Variants in ADCY1 observed in about 807,000 individuals in gnomAD.
ADCY1 encodes adenylate cyclase 1.
A neutral mutation model predicts 105.4 loss-of-function variants in ADCY1; 28 were observed. The ratio of observed to expected loss-of-function variants is 0.27; its 90% CI spans 0.20 to 0.36. The LOEUF is 0.36. ADCY1 is among the 10% of genes least tolerant of loss of function. The probability of loss-of-function intolerance (pLI) is 1.00; values close to 1 mark genes in which losing one functional copy is unlikely to be tolerated. For missense variants in ADCY1, 977 were observed against 1,434.2 expected (o/e 0.68, Z 5.15); for synonymous variants, 655 against 623.8 (o/e 1.05, Z -0.75).
At chr7:45,664,671 T>G in intron 8 of ADCY1, 1 of 357,416 alleles carries the variant, frequency 2.8e-6, no homozygotes, top group Non-Finnish European at 4.6e-6. Flanking sequence ...GACTGGATGG[T>G]ACACAGGCAG....
intron 4 of ADCY1, among the ~76,000 whole-genome samples, chr7:45,642,465 G>C (rs1300625780): frequency 1.3e-5 from 2 of 152,158 alleles, no homozygotes; most frequent in East Asian, 3.8e-4. Context: ...TTCCCTTTTA[G>C]TCTTTAACAG....
intron 4 of ADCY1, among the ~76,000 whole-genome samples, chr7:45,643,097 A>G (rs982883902): frequency 1.5e-5 from 2 of 136,366 alleles, no homozygotes; most frequent in South Asian, 4.8e-4. Context: ...TGTTCAGGTT[A>G]CTTTCTGTTT....
intron 8 of ADCY1, among the ~76,000 whole-genome samples, chr7:45,674,821 GCT>G (rs2116173786): frequency 6.6e-6 from 1 of 152,006 alleles, no homozygotes; most frequent in Non-Finnish European, 1.5e-5. Flanking sequence ...AAATTTTTTT[GCT>G]CTGATATCTA....
chr7:45,657,325 C>T (rs144493208), intron 5 of ADCY1, among the ~76,000 whole-genome samples: 6 of 152,354 alleles, frequency 3.9e-5, no homozygotes, highest in East Asian at 1.9e-4. Context: ...TGGGTCCCTG[C>T]GAGGGAGCAG....
At chr7:45,697,876 C>A (rs1476400524) in intron 14 of ADCY1, among the ~76,000 whole-genome samples, 2 of 152,162 alleles carry the variant, frequency 1.3e-5, no homozygotes, top group African/African-American at 4.8e-5. Context: ...ACAGAGCCAG[C>A]CTCTGCATTC....
At chr7:45,624,499 T>G (rs932344706) in intron 4 of ADCY1, among the ~76,000 whole-genome samples, 2 of 152,070 alleles carry the variant, frequency 1.3e-5, no homozygotes, top group Non-Finnish European at 2.9e-5. Flanking sequence ...ACTTTTCCAG[T>G]AAATAGTGGA....
intron 5 of ADCY1, 62 bp from the exon 6 acceptor site, chr7:45,657,665 A>G (rs975072077): frequency 1.9e-6 from 3 of 1,543,914 alleles, no homozygotes; most frequent in Non-Finnish European, 2.6e-6. Context: ...GTGCAGACCA[A>G]GGTGGCCCCC....
chr7:45,674,994 T>C (rs1335900503), intron 8 of ADCY1, among the ~76,000 whole-genome samples: 3 of 152,222 alleles, frequency 2.0e-5, no homozygotes, highest in Admixed American at 2.0e-4. Flanking sequence ...AAATCATTTA[T>C]TACAGCCTCT....
chr7:45,670,988 G>A (rs1168922866), intron 8 of ADCY1, among the ~76,000 whole-genome samples: 7 of 152,212 alleles, frequency 4.6e-5, no homozygotes, highest in East Asian at 1.9e-4. Flanking sequence ...ACCAGTGACC[G>A]GCAGGGAACT....
At chr7:45,659,975 T>G in intron 6 of ADCY1, 67 bp from the exon 7 acceptor site, 2 of 1,593,364 alleles carry the variant, frequency 1.3e-6, no homozygotes, top group Non-Finnish European at 1.7e-6. Flanking sequence ...TCCCCTCTGG[T>G]AAGGCCCTGC....
At chr7:45,633,983 G>A (rs1794332047) in intron 4 of ADCY1, among the ~76,000 whole-genome samples, 1 of 151,992 alleles carries the variant, frequency 6.6e-6, no homozygotes, top group South Asian at 2.1e-4. Context: ...ATGTTTTTGG[G>A]GGTAGTCAAA....
chr7:45,584,583 C>T (rs1792663365), intron 1 of ADCY1, among the ~76,000 whole-genome samples: 1 of 152,256 alleles, frequency 6.6e-6, no homozygotes, highest in Admixed American at 6.5e-5. Context: ...TGTCCCTGGA[C>T]ATGGTCCTTC....
chr7:45,655,859 T>C (rs1794926196), intron 5 of ADCY1, among the ~76,000 whole-genome samples: 2 of 152,170 alleles, frequency 1.3e-5, no homozygotes, highest in Admixed American at 6.6e-5. Flanking sequence ...AAAAACGTTA[T>C]TAGTATGTTA....
Position 45,685,575 on chromosome 7 carries a change from C to G in ADCY1, c.2074-387C>G, listed in dbSNP as rs546479366. Among the ~76,000 whole-genome samples, 8 of 144,880 alleles carry G rather than the reference C, an allele frequency of 5.5e-5. No homozygotes were observed. The South Asian group carries it at 1.8e-3, about 32-fold the overall frequency. On this transcript the variant is annotated intron_variant, in intron 12 of 19. Coordinates refer to ENST00000297323, the MANE Select transcript of ADCY1 (RefSeq NM_021116.4). ...GGAGCTAGGGGCATGATTAACAGGA[C>G]AGAGCTGGGGGCAGGAGGAACAGGA... is the stretch of plus-strand genomic sequence containing the variant.
rs1785438046 is a variant in ADCY1 at position 45,719,958 on chromosome 7, CTTTGG to C, written c.*5971_*5975del. On this transcript the variant is annotated 3_prime_UTR_variant, in exon 20 of 20. Transcript: ENST00000297323. ...TGAGGCACTAACTAGGTTCCATTTT[CTTTGG>C]TTTGGTTACTTATTTTTTCTTTTTG... 6.6e-6 allele frequency: 1 copy of C among 152,004 alleles called. No homozygotes were observed. The highest frequency in any genetic ancestry group is 2.4e-5 in the African/African-American group (1 of 41,356). 9.4% of individuals were successfully genotyped at this position (152,004 alleles called of 1,614,324 possible). A position where few individuals can be genotyped will look rare whatever the true frequency, so the allele number is the denominator to read the frequency against.
At chr7:45,596,199 AG>A (rs1386281439) in intron 2 of ADCY1, among the ~76,000 whole-genome samples, 1 of 152,256 alleles carries the variant, frequency 6.6e-6, no homozygotes, top group Non-Finnish European at 1.5e-5. Flanking sequence ...CCATGTGGCT[AG>A]TCGTGAGCAT....
chr7:45,588,999 G>T (rs1328908229), intron 1 of ADCY1, among the ~76,000 whole-genome samples: 1 of 152,086 alleles, frequency 6.6e-6, no homozygotes, highest in Non-Finnish European at 1.5e-5. Flanking sequence ...GTCCTTTGTT[G>T]GGTTTCTCCT....
rs1470609108 is a variant in ADCY1, at chr7:45,574,518, G to A, written c.-26G>A. 9.2e-6 allele frequency: 9 copies of A among 975,312 alleles called. No homozygotes were observed. Among genetic ancestry groups the A allele is most frequent in the Non-Finnish European group, 1.1e-5 (9 of 825,386 alleles). 60.4% of individuals were successfully genotyped at this position (975,312 alleles called of 1,614,324 possible). On this transcript the variant is annotated 5_prime_UTR_variant, in exon 1 of 20. Coordinates refer to ENST00000297323, the MANE Select transcript of ADCY1 (RefSeq NM_021116.4). This position sits in a 1 kb window ranked among gnomAD's most constrained non-coding sequence, Gnocchi z 7.0. ...CCGGGCCGGCGAGGGGCGCGCCCGC[G>A]GCCGCGGCCGCTGCATGGCGCTGAG...
At chr7:45,699,924 G>T (rs989431071) in intron 14 of ADCY1, among the ~76,000 whole-genome samples, 2 of 152,160 alleles carry the variant, frequency 1.3e-5, no homozygotes, top group Non-Finnish European at 2.9e-5. Context: ...CAGCACAGAA[G>T]GGGGGCTGTG....
Sources: allele counts gnomAD v4.1 joint callset (sites outside exome capture counted in the v4.1 genomes callset), GRCh38; gene constraint gnomAD v4.1.1; non-coding constraint Gnocchi (gnomAD v3.1); transcripts MANE v1.5; gene names NCBI Gene and HGNC (gene_info 2026-07-23, HGNC 2026-07-21).